The following ZNF487 variants were observed in gnomAD, a reference collection of about 807,000 sequenced individuals.
ZNF487 encodes zinc finger protein 487.
In ZNF487, 4 loss-of-function variants were observed where a neutral mutation model predicts 3.0. The ratio of observed to expected loss-of-function variants is 1.35; its 90% CI spans 0.66 to 3.08. The LOEUF (loss-of-function observed/expected upper bound fraction) is 3.08, where lower values mean the gene tolerates loss of function less well. Ranked by LOEUF, ZNF487 falls within the 30% of genes most tolerant of loss-of-function variation. ZNF487 has a pLI of 0.01. For synonymous variants in ZNF487, 55 were observed against 34.6 expected (o/e 1.59, Z -2.06); for missense variants, 146 against 98.7 (o/e 1.48, Z -2.03).
the ZNF487 span, among the ~76,000 whole-genome samples, chr10:43,503,027 C>CAAAA: frequency 2.9e-4 from 28 of 95,710 alleles, no homozygotes; most frequent in African/African-American, 7.0e-4. Context: ...GACCCTGTCT[C>CAAAA]AAAAAAAAAA....
the ZNF487 span, among the ~76,000 whole-genome samples, chr10:43,504,504 C>T: frequency 6.6e-6 from 1 of 151,718 alleles, no homozygotes; most frequent in African/African-American, 2.4e-5. Flanking sequence ...ACTATGTTGG[C>T]CAAGCTGGTC....
chr10:43,463,883 C>T (rs560039435), intron 1 of ZNF487, among the ~76,000 whole-genome samples: 5 of 151,950 alleles, frequency 3.3e-5, no homozygotes, highest in South Asian at 2.1e-4. Flanking sequence ...TTAAAATTAA[C>T]AAATGTTGCC....
chr10:43,466,919 A>G (rs982802733), intron 1 of ZNF487, among the ~76,000 whole-genome samples: 61 of 151,728 alleles, frequency 4.0e-4, no homozygotes, highest in African/African-American at 1.5e-3. Flanking sequence ...TCCAGGCTGG[A>G]TTGCAATGGC....
At chr10:43,492,872 T>G in the ZNF487 span, among the ~76,000 whole-genome samples, 1 of 152,176 alleles carries the variant, frequency 6.6e-6, no homozygotes, top group Admixed American at 6.5e-5. Flanking sequence ...CAGCTACAGT[T>G]TACTTAATAA....
chr10:43,455,069 G>A (rs375145229), intron 1 of ZNF487, among the ~76,000 whole-genome samples: 2 of 150,906 alleles, frequency 1.3e-5, no homozygotes, highest in East Asian at 2.0e-4. Flanking sequence ...AGTGCAGTGG[G>A]TCCATCTCGG....
chr10:43,476,617 A>G (rs1280133738), intron 3 of ZNF487, among the ~76,000 whole-genome samples: 1 of 152,200 alleles, frequency 6.6e-6, no homozygotes. Flanking sequence ...TTGGTAGAAG[A>G]GAATGAGATG....
intron 1 of ZNF487, among the ~76,000 whole-genome samples, chr10:43,450,907 C>T (rs961117415): frequency 2.6e-5 from 4 of 152,048 alleles, no homozygotes; most frequent in Non-Finnish European, 5.9e-5. Flanking sequence ...TTTGGAGCCA[C>T]GTTGTAAACT....
At chr10:43,467,353 C>G (rs900630080) in intron 1 of ZNF487, among the ~76,000 whole-genome samples, 1 of 151,554 alleles carries the variant, frequency 6.6e-6, no homozygotes, top group African/African-American at 2.4e-5. Flanking sequence ...TACAGGTGCA[C>G]GCCACCACGC....
the ZNF487 span, among the ~76,000 whole-genome samples, chr10:43,519,863 G>A: frequency 1.3e-5 from 2 of 152,116 alleles, no homozygotes; most frequent in Admixed American, 1.3e-4. Context: ...ACTCCATTTG[G>A]TAAAGTCACC....
At chr10:43,440,328 G>A (rs1181916100) in intron 1 of ZNF487, among the ~76,000 whole-genome samples, 3 of 151,614 alleles carry the variant, frequency 2.0e-5, no homozygotes, top group Non-Finnish European at 4.4e-5. Flanking sequence ...GGGATTACAG[G>A]TGTGAACCAC....
the ZNF487 span, among the ~76,000 whole-genome samples, chr10:43,499,007 G>A: frequency 6.6e-6 from 1 of 151,970 alleles, no homozygotes; most frequent in African/African-American, 2.4e-5. Context: ...AATACTTGTT[G>A]CGTGTAAAAA....
chr10:43,519,872 C>G, the ZNF487 span, among the ~76,000 whole-genome samples: 1 of 152,182 alleles, frequency 6.6e-6, no homozygotes, highest in Non-Finnish European at 1.5e-5. Context: ...GGTAAAGTCA[C>G]CTAGATGTCT....
At chr10:43,449,833 C>T (rs1278153371) in intron 1 of ZNF487, among the ~76,000 whole-genome samples, 1 of 151,900 alleles carries the variant, frequency 6.6e-6, no homozygotes, top group Non-Finnish European at 1.5e-5. Context: ...GCACCCACCA[C>T]CACTCCTGGC....
At chr10:43,519,548 A>C in the ZNF487 span, among the ~76,000 whole-genome samples, 1 of 151,694 alleles carries the variant, frequency 6.6e-6, no homozygotes, top group Non-Finnish European at 1.5e-5. Flanking sequence ...GCTCACTAGA[A>C]GCTCCACCTC....
intron 1 of ZNF487, among the ~76,000 whole-genome samples, chr10:43,466,255 G>C (rs967030644): frequency 2.0e-5 from 3 of 151,942 alleles, no homozygotes; most frequent in Non-Finnish European, 4.4e-5. Flanking sequence ...TGTTGGCCAG[G>C]CTGGTCTCCA....
At chr10:43,474,237 C>T (rs979779133) in intron 1 of ZNF487, among the ~76,000 whole-genome samples, 3 of 151,058 alleles carry the variant, frequency 2.0e-5, no homozygotes, top group Non-Finnish European at 4.4e-5. Context: ...TGAGGTGGGC[C>T]GAGGTCAGGA....
At chr10:43,472,344 G>A (rs997861819) in intron 1 of ZNF487, among the ~76,000 whole-genome samples, 3 of 152,054 alleles carry the variant, frequency 2.0e-5, no homozygotes, top group African/African-American at 7.2e-5. Flanking sequence ...TTGTTTGATA[G>A]CAGACCCCTT....
intron 1 of ZNF487, among the ~76,000 whole-genome samples, chr10:43,441,919 A>C (rs2132032913): frequency 6.6e-6 from 1 of 152,250 alleles, no homozygotes; most frequent in South Asian, 2.1e-4. Context: ...TTTTAGAATA[A>C]GGTTGTTTAT....
At chr10:43,444,925 G>A (rs1564411873) in intron 1 of ZNF487, among the ~76,000 whole-genome samples, 1 of 151,998 alleles carries the variant, frequency 6.6e-6, no homozygotes, top group Non-Finnish European at 1.5e-5. Flanking sequence ...TCATCTCTTT[G>A]AATATTTTTT....
Sources: allele counts gnomAD v4.1 joint callset (sites outside exome capture counted in the v4.1 genomes callset), GRCh38; gene constraint gnomAD v4.1.1; transcripts MANE v1.5; gene names NCBI Gene and HGNC (gene_info 2026-07-23, HGNC 2026-07-21).